Variants in DDX60 observed in about 807,000 individuals in gnomAD.
The protein encoded by DDX60 is probable ATP-dependent RNA helicase DDX60.
Under a neutral mutation model 212.8 loss-of-function variants are expected in DDX60, and 165 were observed. That is an observed-to-expected ratio of 0.78 (90% CI 0.68 to 0.88). The LOEUF is 0.88. Among genes scored for constraint, DDX60 ranks in the 40% least tolerant of loss-of-function variants. The pLI is 0.00. For synonymous variants in DDX60, 703 were observed against 685.3 expected (o/e 1.03, Z -0.40); for missense variants, 1,905 against 2,003.9 (o/e 0.95, Z 0.94).
chr4:168,293,990 T>C (rs1736230168), intron 6 of DDX60, 45 bp from the exon 7 acceptor site: 2 of 1,558,720 alleles, frequency 1.3e-6, no homozygotes, highest in Admixed American at 2.0e-5. Flanking sequence ...TTTAGAAAAA[T>C]ATTTTTATTT....
intron 22 of DDX60, among the ~76,000 whole-genome samples, chr4:168,266,601 G>T (rs1384528059): frequency 1.3e-5 from 2 of 152,150 alleles, no homozygotes; most frequent in Non-Finnish European, 2.9e-5. Context: ...CTGGTATTTG[G>T]CATCCGGTTT....
chr4:168,265,595 A>G (rs1305598541), intron 22 of DDX60: 1 of 152,184 alleles, frequency 6.6e-6, no homozygotes, highest in Non-Finnish European at 1.5e-5. Flanking sequence ...ATTGCTTTCC[A>G]GTTACTCCAT....
At chr4:168,229,961 G>T (rs1733386764) in intron 33 of DDX60, among the ~76,000 whole-genome samples, 1 of 152,018 alleles carries the variant, frequency 6.6e-6, no homozygotes, top group African/African-American at 2.4e-5. Context: ...CCAAGTATCT[G>T]CTGTCTTCAA....
In DDX60 at chr4:168,267,611, G is replaced by GA; in HGVS notation, c.3009dup (p.His1004SerfsTer12). 6.3e-7 allele frequency: 1 copy of GA among 1,599,620 alleles called. No individual in the cohort carries two copies. Among genetic ancestry groups the GA allele is most frequent in the Non-Finnish European group, 8.5e-7 (1 of 1,172,648 alleles). On this transcript the variant is annotated frameshift_variant, in exon 22 of 38. Coordinates refer to ENST00000393743, the MANE Select transcript of DDX60 (RefSeq NM_017631.6). LOFTEE classifies it high-confidence loss of function. The stretch of plus-strand genomic sequence containing the variant: ...TCTGTTGTTAGTGCAGCACATGGGT[G>GA]AAAATGATCAAAATGAATGTCACCA...
chr4:168,225,893 T>C (rs928593071), intron 33 of DDX60, among the ~76,000 whole-genome samples: 2 of 152,098 alleles, frequency 1.3e-5, no homozygotes, highest in African/African-American at 4.8e-5. Context: ...ACCTTACTCA[T>C]TACCCTTAAA....
intron 28 of DDX60, among the ~76,000 whole-genome samples, chr4:168,250,644 A>T (rs1033808480): frequency 6.6e-6 from 1 of 151,164 alleles, no homozygotes. Flanking sequence ...TTCTGCCTCA[A>T]CTTCCTGAAT....
chr4:168,272,076 C>A lies in DDX60; in HGVS notation c.2637G>T (p.Trp879Cys). 1 of 1,587,054 alleles carries A rather than the reference C, an allele frequency of 6.3e-7. No individual in the cohort carries two copies. The highest frequency in any genetic ancestry group is 2.3e-5 in the East Asian group (1 of 44,006). Residue 879 changes from tryptophan (W) to cysteine (C), a missense_variant, in exon 19 of 38, where the codon TGG becomes TGT. Coordinates refer to ENST00000393743, the MANE Select transcript of DDX60 (RefSeq NM_017631.6). ...ILLLAPHRQN[W>C]VKKIRYVIFD... ...ATATAACATATCTGATCTTTTTCACCCAGTTTTGGCGATGAGGAGCAAGCA... is the reference window on the plus strand; with the variant it reads ...ATATAACATATCTGATCTTTTTCACACAGTTTTGGCGATGAGGAGCAAGCA...
At chr4:168,221,593 AT>A (rs1484756205) in intron 36 of DDX60, 136 bp downstream of exon 36, 1 of 892,484 alleles carries the variant, frequency 1.1e-6, no homozygotes, top group Non-Finnish European at 1.6e-6. Flanking sequence ...TCTAAAAAAA[AT>A]CAATCTAGTA....
intron 12 of DDX60, 99 bp from the exon 13 acceptor site, chr4:168,283,705 G>A: frequency 3.8e-6 from 3 of 796,184 alleles, no homozygotes; most frequent in Non-Finnish European, 5.7e-6. Flanking sequence ...TTAAATTAGT[G>A]GAAAAGTAAT....
chr4:168,252,245 A>ACAGGTAT (rs1734246972), intron 27 of DDX60, among the ~76,000 whole-genome samples: 1 of 152,228 alleles, frequency 6.6e-6, no homozygotes, highest in Admixed American at 6.5e-5. Context: ...AATCTGTTGC[A>ACAGGTAT]CAGGTATCTC....
At chr4:168,303,539 T>C (rs562840080) in intron 5 of DDX60, among the ~76,000 whole-genome samples, 18 of 152,200 alleles carry the variant, frequency 1.2e-4, no homozygotes, top group Non-Finnish European at 2.6e-4. Flanking sequence ...AGACCACTTA[T>C]ATGTTGGTGA....
At position 168,246,624 on chromosome 4, in the gene DDX60, A is replaced by C. The variant is rs755674467; in HGVS notation, c.3964-6T>G. The C allele has an allele frequency of 6.2e-7, 1 of 1,613,818 alleles. No individual in the cohort carries two copies. Among genetic ancestry groups the C allele is most frequent in the South Asian group, 1.1e-5 (1 of 91,072 alleles). The stretch of plus-strand genomic sequence containing the variant: ...CTTCCAGCACGGCCAGACATCTGAA[A>C]AGAGAATAGAATTACAATGTAAAAC... On this transcript the variant is annotated splice_region_variant and splice_polypyrimidine_tract_variant and intron_variant, in intron 29 of 37. Transcript: ENST00000393743.
At chr4:168,286,573 CCCTGTG>C (rs1394298900) in intron 10 of DDX60, among the ~76,000 whole-genome samples, 1 of 152,032 alleles carries the variant, frequency 6.6e-6, no homozygotes, top group Non-Finnish European at 1.5e-5. Flanking sequence ...TCCTAGTGCT[CCCTGTG>C]CCTGCGTTTG....
intron 6 of DDX60, among the ~76,000 whole-genome samples, chr4:168,298,637 C>CTATA (rs1736512304): frequency 6.6e-6 from 1 of 152,086 alleles, no homozygotes; most frequent in Middle Eastern, 3.4e-3. Flanking sequence ...AGAAACTCAC[C>CTATA]TATAGTAACA....
chr4:168,292,049 C>CTTTCCAT, intron 7 of DDX60, 143 bp from the exon 8 acceptor site: 1 of 302,362 alleles, frequency 3.3e-6, no homozygotes, highest in Non-Finnish European at 5.6e-6. Flanking sequence ...TTCTTTCTTT[C>CTTTCCAT]TTTTTTTTTT....
At chr4:168,234,268 C>A (rs1218994306) in intron 33 of DDX60, among the ~76,000 whole-genome samples, 1 of 151,970 alleles carries the variant, frequency 6.6e-6, no homozygotes, top group Admixed American at 6.6e-5. Context: ...GGAAAATTCC[C>A]AGCTATTATC....
chr4:168,247,597 C>A (rs1464446158), intron 29 of DDX60, among the ~76,000 whole-genome samples: 1 of 152,136 alleles, frequency 6.6e-6, no homozygotes, highest in East Asian at 1.9e-4. Flanking sequence ...TGAAGATAAA[C>A]CACGTTGTCT....
At chr4:168,295,797 T>C (rs557203168) in intron 6 of DDX60, among the ~76,000 whole-genome samples, 1 of 152,298 alleles carries the variant, frequency 6.6e-6, no homozygotes, top group Admixed American at 6.5e-5. Context: ...AAATGAGGTA[T>C]ATATACACAA....
At chr4:168,217,054 T>C (rs752339441) in intron 37 of DDX60, 22 bp from the exon 38 acceptor site, 26 of 1,505,670 alleles carry the variant, frequency 1.7e-5, no homozygotes, top group Non-Finnish European at 2.1e-5. Context: ...GAAAAAAATA[T>C]AGGATCCACT....
Sources: allele counts gnomAD v4.1 joint callset (sites outside exome capture counted in the v4.1 genomes callset), GRCh38; gene constraint gnomAD v4.1.1; transcripts MANE v1.5; gene names NCBI Gene and HGNC (gene_info 2026-07-23, HGNC 2026-07-21).